Variants in APOM observed in about 807,000 individuals in gnomAD.
The protein encoded by APOM is NG20-like protein.
Under a neutral mutation model 23.5 loss-of-function variants are expected in APOM, and 24 were observed. That is an observed-to-expected ratio of 1.02 (90% CI 0.74 to 1.44). The LOEUF is 1.44. Among genes scored for constraint, APOM ranks in the 40% most tolerant of loss-of-function variants. APOM has a pLI of 0.00. For synonymous variants in APOM, 82 were observed against 84.1 expected (o/e 0.97, Z 0.14); for missense variants, 200 against 233.2 (o/e 0.86, Z 0.93).
upstream of APOM, among the ~76,000 whole-genome samples, chr6:31,653,534 A>G (rs1799284892): frequency 6.6e-6 from 1 of 152,196 alleles, no homozygotes. Flanking sequence ...GGTTTTGTGT[A>G]TTATTTTAAA....
rs908360127 is a variant in APOM at position 31,656,726 on chromosome 6, A to G, written c.269+100A>G. 3.5e-6 allele frequency: 5 copies of G among 1,427,492 alleles called. No individual in the cohort carries two copies. In the African/African-American group the frequency reaches 7.1e-5, roughly 20 times the overall value. 88.4% of individuals were successfully genotyped at this position (1,427,492 alleles called of 1,614,324 possible). A position where few individuals can be genotyped will look rare whatever the true frequency, so the allele number is the denominator to read the frequency against. Reference sequence around the variant, plus strand: ...TGGCCTCTTAGCTGGTATATCTACTATGCTTGGCCCACGGAATTCAGTGGC... The same window carrying G: ...TGGCCTCTTAGCTGGTATATCTACTGTGCTTGGCCCACGGAATTCAGTGGC... On this transcript the variant is annotated intron_variant, in intron 2 of 5. Coordinates refer to ENST00000375916, the MANE Select transcript of APOM (RefSeq NM_019101.3).
At chr6:31,652,994 G>GT (rs1299646649), upstream of APOM, among the ~76,000 whole-genome samples, 2 of 152,092 alleles carry the variant, frequency 1.3e-5, no homozygotes, top group Non-Finnish European at 2.9e-5. Context: ...GCCTCCGGAA[G>GT]TTACTCTTTC....
intron 5 of APOM, 31 bp from the exon 6 acceptor site, chr6:31,658,031 TTC>T: frequency 1.2e-6 from 2 of 1,613,784 alleles, no homozygotes; most frequent in Non-Finnish European, 1.7e-6. Flanking sequence ...TGGACTTCCC[TTC>T]TGTCCTTCTT....
intron 1 of APOM, 99 bp from the exon 2 acceptor site, chr6:31,656,373 C>T (rs1800056970): frequency 7.7e-7 from 1 of 1,298,004 alleles, no homozygotes; most frequent in Non-Finnish European, 1.1e-6. Context: ...AGGCAGCCAA[C>T]ACCTCTACCC....
chr6:31,656,468 C>T lies in APOM; in HGVS notation c.115-4C>T. ...CTCTTTTGCTCCCTTCATTGTCTCT[C>T]CAGTTCCCAGAGGTCCACTTGGGCC... On this transcript the variant is annotated splice_polypyrimidine_tract_variant and splice_region_variant and intron_variant, in intron 1 of 5. Coordinates refer to ENST00000375916, the MANE Select transcript of APOM (RefSeq NM_019101.3). 1 of 1,613,714 alleles carries T rather than the reference C, an allele frequency of 6.2e-7. No individual in the cohort carries two copies. Among genetic ancestry groups the T allele is most frequent in the Non-Finnish European group, 8.5e-7 (1 of 1,179,736 alleles).
At position 31,656,627 on chromosome 6, in the gene APOM, G is replaced by A; in HGVS notation, c.269+1G>A. 6.2e-7 allele frequency: 1 copy of A among 1,613,520 alleles called. No individual in the cohort carries two copies. Among genetic ancestry groups the A allele is most frequent in the African/African-American group, 1.3e-5 (1 of 75,052 alleles). ...TCCACCTTCGTGCTACCATCCGCAT[G>A]TGAGTGGTAAGGAGGCAGAAGCATC... On this transcript the variant is annotated splice_donor_variant, in intron 2 of 5. Coordinates refer to ENST00000375916, the MANE Select transcript of APOM (RefSeq NM_019101.3). LOFTEE classifies it high-confidence loss of function.
upstream of APOM, among the ~76,000 whole-genome samples, chr6:31,654,517 C>G (rs576232655): frequency 4.6e-5 from 7 of 152,128 alleles, no homozygotes; most frequent in African/African-American, 1.7e-4. Context: ...GGTGAAACTC[C>G]GTGTCTACAA....
chr6:31,655,791 A>T (rs1469238125), upstream of APOM: 1 of 579,556 alleles, frequency 1.7e-6, no homozygotes, highest in African/African-American at 1.9e-5. Flanking sequence ...AGGGGGAGGA[A>T]GTCCCAAACA....
At chr6:31,653,277 C>T (rs182103503), upstream of APOM, among the ~76,000 whole-genome samples, 9 of 152,290 alleles carry the variant, frequency 5.9e-5, no homozygotes. Flanking sequence ...ATTTAAAGGC[C>T]GGCCAGCGTG....
upstream of APOM, among the ~76,000 whole-genome samples, chr6:31,654,048 C>G (rs987594596): frequency 5.9e-5 from 9 of 151,962 alleles, no homozygotes; most frequent in Non-Finnish European, 1.2e-4. Context: ...AGTTCAAGAC[C>G]AGCCTGGCCA....
chr6:31,655,380 G>C (rs1799935204), upstream of APOM: 1 of 152,310 alleles, frequency 6.6e-6, no homozygotes. Flanking sequence ...TTTTCTAATT[G>C]TAAACTAAAG....
chr6:31,656,655 T>C, intron 2 of APOM, 29 bp downstream of exon 2: 1 of 1,608,054 alleles, frequency 6.2e-7, no homozygotes, highest in Non-Finnish European at 8.5e-7. Flanking sequence ...GAAGCATCAC[T>C]GGGTTCAGTC....
chr6:31,654,497 G>A (rs1799789243), upstream of APOM, among the ~76,000 whole-genome samples: 1 of 151,994 alleles, frequency 6.6e-6, no homozygotes, highest in Non-Finnish European at 1.5e-5. Flanking sequence ...ATACCAGCCT[G>A]GGGCAACATG....
chr6:31,653,299 C>G (rs1446307684), upstream of APOM, among the ~76,000 whole-genome samples: 1 of 152,168 alleles, frequency 6.6e-6, no homozygotes, highest in African/African-American at 2.4e-5. Flanking sequence ...TTCCGAAGGC[C>G]GGGGGTGGAG....
Position 31,656,500 on chromosome 6 carries a change from A to T in APOM, c.143A>T (p.Tyr48Phe). 6.2e-7 allele frequency: 1 copy of T among 1,614,062 alleles called. No individual in the cohort carries two copies. Among genetic ancestry groups the T allele is most frequent in the South Asian group, 1.1e-5 (1 of 91,058 alleles). ...CCAGAGGTCCACTTGGGCCAGTGGT[A>T]CTTTATCGCAGGGGCAGCTCCCACC... ...EFPEVHLGQWYFIAGAAPTKE... is the reference protein window; with the variant it reads ...EFPEVHLGQWFFIAGAAPTKE... Residue 48 changes from tyrosine (Y) to phenylalanine (F), a missense_variant, in exon 2 of 6, where the codon TAC (tyrosine) becomes TTC (phenylalanine). Transcript: ENST00000375916.
intron 1 of APOM, 28 bp downstream of exon 1, chr6:31,656,108 T>C (rs1170738959): frequency 2.0e-6 from 3 of 1,528,146 alleles, no homozygotes; most frequent in South Asian, 2.4e-5. Context: ...GGGAAGCCTA[T>C]GGTGGAGGCT....
Position 31,657,273 on chromosome 6 carries a change from AG to A in APOM, c.321del (p.Ser108AlafsTer12). 1 of 1,613,098 alleles carries A rather than the reference AG, an allele frequency of 6.2e-7. No individual in the cohort carries two copies. The stretch of plus-strand genomic sequence containing the variant: ...GGAAATGGATCTACCACCTGACTGA[AG>A]GGAGCACAGATCTCAGAACTGAAGG... ...PRKWIYHLTE[G>X]STDLRTEGRP... On this transcript the variant is annotated frameshift_variant, in exon 3 of 6. Transcript: ENST00000375916. LOFTEE classifies it high-confidence loss of function.
In APOM at chr6:31,656,166, G is replaced by C. The variant is rs138102999; in HGVS notation, c.114+86G>C. On this transcript the variant is annotated intron_variant, in intron 1 of 5. Transcript: ENST00000375916. ...CTAGGATGACTGGAGACCATCTTGG[G>C]AAAGGAAGAGAGGAAGGGGGTGTGA... 2.3e-3 allele frequency: 2,474 copies of C among 1,088,224 alleles called. 78 individuals carry two copies. In the Admixed American group the frequency reaches 0.04, roughly 17 times the overall value. The allele number at this position is 1,088,224 out of a possible 1,614,324, so 67.4% of individuals were successfully genotyped here.
At chr6:31,656,169 A>G in intron 1 of APOM, 89 bp downstream of exon 1, 1 of 1,026,422 alleles carries the variant, frequency 9.7e-7, no homozygotes, top group South Asian at 1.4e-5. Context: ...ATCTTGGGAA[A>G]GGAAGAGAGG....
Sources: allele counts gnomAD v4.1 joint callset (sites outside exome capture counted in the v4.1 genomes callset), GRCh38; gene constraint gnomAD v4.1.1; transcripts MANE v1.5; gene names NCBI Gene and HGNC (gene_info 2026-07-23, HGNC 2026-07-21).